FSTL5: variants seen among roughly 807,000 people sequenced by gnomAD.
FSTL5 encodes follistatin like 5, also known as follistatin-related protein 5.
A neutral mutation model predicts 89.1 loss-of-function variants in FSTL5; 62 were observed. The ratio of observed to expected loss-of-function variants is 0.70; its 90% CI spans 0.57 to 0.86. FSTL5 has a LOEUF of 0.86. FSTL5 is among the 40% of genes least tolerant of loss of function. The pLI is 0.00. For synonymous variants in FSTL5, 383 were observed against 346.2 expected, an observed-to-expected ratio of 1.11 and a Z score of -1.18; for missense variants, 1,057 against 1,001.6, an observed-to-expected ratio of 1.06 and a Z score of -0.75.
At chr4:161,799,311 T>A (rs1185882964) in intron 4 of FSTL5, among the ~76,000 whole-genome samples, 4 of 151,712 alleles carry the variant, frequency 2.6e-5, no homozygotes, top group African/African-American at 2.4e-5. Flanking sequence ...ACGGTAGTGA[T>A]GAGTGAGTTA....
intron 7 of FSTL5, among the ~76,000 whole-genome samples, chr4:161,596,355 G>A (rs968259646): frequency 6.6e-6 from 1 of 151,748 alleles, no homozygotes; most frequent in Admixed American, 6.6e-5. Flanking sequence ...CAACTAACAC[G>A]AATTGAAACT....
rs1408918646 is a variant in FSTL5 at position 161,689,138 on chromosome 4, T to C, written c.728-32644A>G. On this transcript the variant is annotated intron_variant, in intron 6 of 15. Coordinates refer to ENST00000306100, the MANE Select transcript of FSTL5 (RefSeq NM_020116.5). ...CTATGGAAAGAGGGAGGTACTATTT[T>C]GAGAAGGAAAAAGAAACGTTTGCTT... 3.3e-5 allele frequency among the ~76,000 whole-genome samples: 5 copies of C among 152,194 alleles called. No homozygotes were observed. The South Asian group carries it at 1.0e-3, about 31-fold the overall frequency.
intron 2 of FSTL5, among the ~76,000 whole-genome samples, chr4:162,055,120 C>A (rs145223237): frequency 5.9e-5 from 9 of 151,804 alleles, no homozygotes; most frequent in Admixed American, 1.3e-4. Flanking sequence ...TTTTTCATGT[C>A]TTAGTGGATT....
chr4:161,475,027 CTT>C (rs58684881), intron 13 of FSTL5, among the ~76,000 whole-genome samples: 11 of 129,390 alleles, frequency 8.5e-5, no homozygotes, highest in Non-Finnish European at 1.2e-4. Flanking sequence ...CCTTGATTGG[CTT>C]TTTTTTTTTT....
intron 5 of FSTL5, among the ~76,000 whole-genome samples, chr4:161,769,155 T>C (rs1741121011): frequency 6.6e-6 from 1 of 151,850 alleles, no homozygotes; most frequent in African/African-American, 2.4e-5. Flanking sequence ...AAATCCAATA[T>C]CTGAACAGAC....
chr4:161,654,225 G>C (rs963883979), intron 7 of FSTL5, among the ~76,000 whole-genome samples: 2 of 152,084 alleles, frequency 1.3e-5, no homozygotes, highest in African/African-American at 2.4e-5. Flanking sequence ...TGTCCAGAGA[G>C]TATCAATCAT....
At chr4:161,556,846 GTATA>G (rs561942481) in intron 8 of FSTL5, among the ~76,000 whole-genome samples, 2 of 142,662 alleles carry the variant, frequency 1.4e-5, no homozygotes, top group African/African-American at 2.5e-5. Context: ...GTGTGTGTGT[GTATA>G]TATATATATA....
intron 2 of FSTL5, among the ~76,000 whole-genome samples, chr4:162,051,920 T>G (rs1186402072): frequency 6.6e-6 from 1 of 151,104 alleles, no homozygotes; most frequent in African/African-American, 2.4e-5. Flanking sequence ...TGCAAGATAG[T>G]AACAACATTA....
chr4:161,696,174 T>A (rs1006149555), intron 6 of FSTL5, among the ~76,000 whole-genome samples: 44 of 152,312 alleles, frequency 2.9e-4, no homozygotes, highest in African/African-American at 1.1e-3. Flanking sequence ...TTCTCCTACT[T>A]GTGGCCTGCC....
intron 6 of FSTL5, among the ~76,000 whole-genome samples, chr4:161,704,158 C>A (rs747988062): frequency 1.3e-5 from 2 of 152,050 alleles, no homozygotes; most frequent in East Asian, 3.9e-4. Context: ...CCTTCTTTGG[C>A]GAGGCTAATC....
At chr4:161,400,977 T>C (rs1433416023) in intron 15 of FSTL5, among the ~76,000 whole-genome samples, 1 of 152,178 alleles carries the variant, frequency 6.6e-6, no homozygotes, top group Non-Finnish European at 1.5e-5. Flanking sequence ...GTACTCAAAA[T>C]GACACTTTTG....
At chr4:161,724,918 G>T (rs1294296474) in intron 6 of FSTL5, among the ~76,000 whole-genome samples, 1 of 152,184 alleles carries the variant, frequency 6.6e-6, no homozygotes, top group Non-Finnish European at 1.5e-5. Flanking sequence ...AAATTGGCCA[G>T]GCGCAGTGGC....
At chr4:161,881,738 T>A (rs1732640970) in intron 4 of FSTL5, among the ~76,000 whole-genome samples, 1 of 152,070 alleles carries the variant, frequency 6.6e-6, no homozygotes, top group Admixed American at 6.6e-5. Flanking sequence ...AAATCTACTT[T>A]CCCTAACGCA....
intron 4 of FSTL5, among the ~76,000 whole-genome samples, chr4:161,811,846 C>T (rs1293682070): frequency 6.6e-6 from 1 of 152,106 alleles, no homozygotes; most frequent in Admixed American, 6.6e-5. Context: ...TAGAATTTAT[C>T]TCAAATAAGC....
intron 3 of FSTL5, among the ~76,000 whole-genome samples, chr4:161,945,684 G>A (rs1734715285): frequency 6.6e-6 from 1 of 152,138 alleles, no homozygotes; most frequent in Non-Finnish European, 1.5e-5. Flanking sequence ...CCTGGAAGGT[G>A]GAGGTTGCAG....
At chr4:161,723,409 G>A (rs1173320312) in intron 6 of FSTL5, among the ~76,000 whole-genome samples, 1 of 152,078 alleles carries the variant, frequency 6.6e-6, no homozygotes, top group Non-Finnish European at 1.5e-5. Flanking sequence ...TTTCCTCTCC[G>A]AATTTCTGTT....
intron 5 of FSTL5, among the ~76,000 whole-genome samples, chr4:161,767,403 T>C (rs1197923535): frequency 6.6e-6 from 1 of 152,190 alleles, no homozygotes; most frequent in Non-Finnish European, 1.5e-5. Context: ...TCTTTACACG[T>C]TTGTCGAGGC....
At chr4:161,814,811 G>A (rs1367888728) in intron 4 of FSTL5, among the ~76,000 whole-genome samples, 1 of 152,006 alleles carries the variant, frequency 6.6e-6, no homozygotes, top group Non-Finnish European at 1.5e-5. Flanking sequence ...TTATAAGATA[G>A]GCCTTTATTA....
At chr4:161,446,018 G>A (rs1219896079) in intron 15 of FSTL5, among the ~76,000 whole-genome samples, 2 of 151,932 alleles carry the variant, frequency 1.3e-5, no homozygotes, top group Non-Finnish European at 1.5e-5. Flanking sequence ...AAAATAACTG[G>A]TAATTTCTTT....
Sources: gnomAD v4.1 joint callset for allele counts (sites outside exome capture counted in the v4.1 genomes callset) on GRCh38, gnomAD v4.1.1 for gene constraint, MANE v1.5 for transcripts, NCBI Gene and HGNC (gene_info 2026-07-23, HGNC 2026-07-21) for gene names.